Variants in GRIN2A observed in about 807,000 individuals in gnomAD.
GRIN2A encodes glutamate receptor ionotropic, NMDA 2A.
Under a neutral mutation model 113.4 loss-of-function variants are expected in GRIN2A, and 22 were observed. That is an observed-to-expected ratio of 0.19 (90% CI 0.14 to 0.28). GRIN2A has a LOEUF of 0.28. Ranked by LOEUF, GRIN2A falls within the 10% of genes least tolerant of loss-of-function variation. GRIN2A has a pLI of 1.00. For missense variants in GRIN2A, 1,502 were observed against 1,887.0 expected, an observed-to-expected ratio of 0.80 and a Z score of 3.78; for synonymous variants, 827 against 738.4, an observed-to-expected ratio of 1.12 and a Z score of -1.94.
chr16:10,064,146 C>T (rs766531018), intron 2 of GRIN2A, among the ~76,000 whole-genome samples: 1 of 152,164 alleles, frequency 6.6e-6, no homozygotes, highest in Non-Finnish European at 1.5e-5. Context: ...ATTGAACTGA[C>T]TTTGTTGGTG....
intron 3 of GRIN2A, among the ~76,000 whole-genome samples, chr16:9,928,525 TC>T (rs1408905345): frequency 1.3e-5 from 2 of 151,998 alleles, no homozygotes; most frequent in African/African-American, 4.8e-5. Flanking sequence ...ACAGAGGTTT[TC>T]CCCCTGCCTG....
intron 2 of GRIN2A, among the ~76,000 whole-genome samples, chr16:10,176,961 A>G (rs1052249034): frequency 6.6e-6 from 1 of 152,220 alleles, no homozygotes; most frequent in Non-Finnish European, 1.5e-5. Flanking sequence ...TTGCCAATGT[A>G]GAAGTAAATA....
Position 9,764,391 on chromosome 16 carries a change from A to T in GRIN2A, c.3153T>A (p.Tyr1051Ter), listed in dbSNP as rs201716879. 6.2e-7 allele frequency: 1 copy of T among 1,614,134 alleles called. No individual in the cohort carries two copies. The highest frequency in any genetic ancestry group is 8.5e-7 in the Non-Finnish European group (1 of 1,180,006). Residue 1051 changes from tyrosine (Y) to a stop codon, truncating the protein, a stop_gained, in exon 13 of 13, where the codon TAT (tyrosine) becomes TAA (stop). Coordinates refer to ENST00000330684, the MANE Select transcript of GRIN2A (RefSeq NM_001134407.3). LOFTEE classifies it high-confidence loss of function. ...CAGAGTGGGCCATCTCTTCTGGAAG[A>T]TACCTAGGGCTCTTTAGGGAGTGGG... ...NRTHSLKSPR[Y>*]LPEEMAHSDI...
intron 3 of GRIN2A, among the ~76,000 whole-genome samples, chr16:9,897,994 C>T (rs1027774348): frequency 1.3e-5 from 2 of 149,422 alleles, no homozygotes; most frequent in Non-Finnish European, 3.0e-5. Context: ...ATAGGCTTTA[C>T]AGTGAGACAG....
At chr16:9,832,086 TTTTATTTA>T (rs35044218) in intron 8 of GRIN2A, among the ~76,000 whole-genome samples, 3,619 of 135,608 alleles carry the variant, frequency 0.027, 72 homozygotes, top group African/African-American at 0.049. Flanking sequence ...GCCAGGCTTA[TTTTATTTA>T]TTTATTTATT....
intron 11 of GRIN2A, among the ~76,000 whole-genome samples, chr16:9,776,006 G>A (rs749345397): frequency 3.9e-5 from 6 of 152,182 alleles, no homozygotes; most frequent in South Asian, 2.1e-4. Flanking sequence ...GACAGAAGAC[G>A]CAGCTTAAGC....
chr16:10,029,997 C>CA lies in GRIN2A; in HGVS notation c.415-91447dup, dbSNP rs1217055238. ...GGGCCACAGAGTGAGACTCTGTCTC[C>CA]AAAAAAATAAATAAATAAATAAAAG... is the stretch of plus-strand genomic sequence containing the variant. On this transcript the variant is annotated intron_variant, in intron 2 of 12. Transcript: ENST00000330684. Among the ~76,000 whole-genome samples the CA allele has an allele frequency of 4.0e-5, 6 of 151,192 alleles. No individual in the cohort carries two copies. The South Asian group carries it at 1.3e-3, about 32-fold the overall frequency.
intron 3 of GRIN2A, among the ~76,000 whole-genome samples, chr16:9,905,952 A>G (rs2044020758): frequency 6.6e-6 from 1 of 152,162 alleles, no homozygotes; most frequent in South Asian, 2.1e-4. Flanking sequence ...TGATTTTTAA[A>G]AGGTCTAGTA....
rs557546212 is a variant in GRIN2A at position 10,060,584 on chromosome 16, C to T, written c.414+119414G>A. ...TGCTAACTGCATGCTAAAAACTGTT[C>T]CTAGTGCTTGATCTTCAATGTATCA... On this transcript the variant is annotated intron_variant, in intron 2 of 12. Transcript: ENST00000330684. Among the ~76,000 whole-genome samples the T allele has an allele frequency of 2.6e-5, 4 of 152,298 alleles. No homozygotes were observed. The South Asian group carries it at 8.3e-4, about 32-fold the overall frequency.
intron 4 of GRIN2A, among the ~76,000 whole-genome samples, chr16:9,877,823 C>T (rs1452222397): frequency 8.8e-6 from 1 of 113,166 alleles, no homozygotes; most frequent in African/African-American, 3.9e-5. Context: ...CCCCCCATCC[C>T]CCCTCCCTGT....
At position 10,180,865 on chromosome 16, in the gene GRIN2A, A is replaced by C; in HGVS notation, c.-18-436T>G. The C allele has an allele frequency of 1.1e-5, 2 of 186,938 alleles. No individual in the cohort carries two copies. Among genetic ancestry groups the C allele is most frequent in the South Asian group, 1.2e-4 (1 of 8,602 alleles). 11.6% of individuals were successfully genotyped at this position (186,938 alleles called of 1,614,324 possible). A position where few individuals can be genotyped will look rare whatever the true frequency, so the allele number is the denominator to read the frequency against. On this transcript the variant is annotated intron_variant, in intron 1 of 12. Coordinates refer to ENST00000330684, the MANE Select transcript of GRIN2A (RefSeq NM_001134407.3). This position sits in a 1 kb window ranked among gnomAD's most constrained non-coding sequence, Gnocchi z 7.0. ...TGGGATAGAGAGGACCAAGTTATCA[A>C]CCCCGCCCCCTGCTGGCGCGGAGCG...
chr16:10,153,448 A>C (rs923679126), intron 2 of GRIN2A, among the ~76,000 whole-genome samples: 1 of 152,190 alleles, frequency 6.6e-6, no homozygotes, highest in African/African-American at 2.4e-5. Flanking sequence ...ACAGTGATGA[A>C]GTCATTTCAA....
chr16:10,161,099 C>T (rs1045320971), intron 2 of GRIN2A, among the ~76,000 whole-genome samples: 3 of 152,202 alleles, frequency 2.0e-5, no homozygotes, highest in South Asian at 4.1e-4. Flanking sequence ...ATCATCCTCA[C>T]GTGTTGTGGG....
intron 2 of GRIN2A, among the ~76,000 whole-genome samples, chr16:10,171,978 T>C (rs1097927): frequency 0.62 from 93,917 of 152,048 alleles, 29,346 homozygotes; most frequent in Non-Finnish European, 0.65. Flanking sequence ...AAGTACAATA[T>C]ATTAACCACT....
At chr16:9,797,382 G>T (rs1903062647) in intron 11 of GRIN2A, among the ~76,000 whole-genome samples, 1 of 152,176 alleles carries the variant, frequency 6.6e-6, no homozygotes. Flanking sequence ...GCCACGGCCA[G>T]CCTCTAGAGG....
intron 2 of GRIN2A, among the ~76,000 whole-genome samples, chr16:10,170,769 T>C (rs182984806): frequency 1.6e-4 from 25 of 151,938 alleles, no homozygotes; most frequent in Admixed American, 1.5e-3. Context: ...CCTAGCTACT[T>C]GGGAGGCTGA....
chr16:10,106,080 T>C (rs1198495737), intron 2 of GRIN2A, among the ~76,000 whole-genome samples: 1 of 152,064 alleles, frequency 6.6e-6, no homozygotes, highest in African/African-American at 2.4e-5. Context: ...TATGGAACTG[T>C]GTGTGAAAAA....
chr16:10,069,724 C>A (rs1421708484), intron 2 of GRIN2A, among the ~76,000 whole-genome samples: 1 of 152,238 alleles, frequency 6.6e-6, no homozygotes, highest in Non-Finnish European at 1.5e-5. Context: ...ATATGCCCAG[C>A]CCAGGCTGGG....
chr16:10,097,599 T>G (rs1006157815), intron 2 of GRIN2A, among the ~76,000 whole-genome samples: 2 of 152,168 alleles, frequency 1.3e-5, no homozygotes, highest in African/African-American at 4.8e-5. Flanking sequence ...CCTAACCAAA[T>G]CTGCAGCTAT....
Sources: allele counts gnomAD v4.1 joint callset (sites outside exome capture counted in the v4.1 genomes callset), GRCh38; gene constraint gnomAD v4.1.1; non-coding constraint Gnocchi (gnomAD v3.1); transcripts MANE v1.5; gene names NCBI Gene and HGNC (gene_info 2026-07-23, HGNC 2026-07-21).